The following CCDC6 variants were observed in gnomAD, a reference collection of about 807,000 sequenced individuals.
The protein encoded by CCDC6 is coiled-coil domain containing 6.
A neutral mutation model predicts 56.6 loss-of-function variants in CCDC6; 20 were observed. That is an observed-to-expected ratio of 0.35 (90% CI 0.25 to 0.51). The LOEUF is 0.51. Ranked by LOEUF, CCDC6 falls within the 20% of genes least tolerant of loss-of-function variation. The pLI is 0.95. For synonymous variants in CCDC6, 241 were observed against 234.4 expected, an observed-to-expected ratio of 1.03 and a Z score of -0.26; for missense variants, 367 against 601.1, an observed-to-expected ratio of 0.61 and a Z score of 4.07.
At chr10:59,848,476 C>T (rs1230035283) in intron 2 of CCDC6, among the ~76,000 whole-genome samples, 1 of 152,084 alleles carries the variant, frequency 6.6e-6, no homozygotes, top group Non-Finnish European at 1.5e-5. Flanking sequence ...GTCAGGAGTT[C>T]AAGACCAGCC....
At chr10:59,838,273 C>A (rs2070903702) in intron 2 of CCDC6, among the ~76,000 whole-genome samples, 1 of 152,056 alleles carries the variant, frequency 6.6e-6, no homozygotes, top group Non-Finnish European at 1.5e-5. Context: ...GTGCTCATGG[C>A]CCCAGTCTGG....
intron 1 of CCDC6, among the ~76,000 whole-genome samples, chr10:59,865,151 C>A (rs1453968598): frequency 1.3e-5 from 2 of 152,202 alleles, no homozygotes; most frequent in African/African-American, 4.8e-5. Flanking sequence ...TCTACCTATA[C>A]CTGACACCCG....
intron 1 of CCDC6, among the ~76,000 whole-genome samples, chr10:59,854,542 G>A (rs1434068636): frequency 6.6e-6 from 1 of 152,058 alleles, no homozygotes. Context: ...ACCAGCCAAG[G>A]CACCCAGTGA....
intron 2 of CCDC6, among the ~76,000 whole-genome samples, chr10:59,848,589 G>A (rs751829137): frequency 1.1e-4 from 16 of 152,110 alleles, no homozygotes; most frequent in South Asian, 6.2e-4. Flanking sequence ...AACTGAGATC[G>A]CACCATTGCA....
intron 1 of CCDC6, among the ~76,000 whole-genome samples, chr10:59,882,674 A>G (rs921069447): frequency 6.6e-6 from 1 of 152,166 alleles, no homozygotes; most frequent in African/African-American, 2.4e-5. Context: ...AACATTAGTG[A>G]AACTGGCCAG....
chr10:59,836,592 C>T (rs1040409571), intron 2 of CCDC6, among the ~76,000 whole-genome samples: 1 of 152,178 alleles, frequency 6.6e-6, no homozygotes, highest in African/African-American at 2.4e-5. Context: ...TGAAATGATA[C>T]TTATGTGTCT....
intron 1 of CCDC6, among the ~76,000 whole-genome samples, chr10:59,856,825 A>G (rs2071083964): frequency 1.3e-5 from 2 of 152,214 alleles, no homozygotes; most frequent in African/African-American, 4.8e-5. Context: ...CCAAAGCAAA[A>G]TAAGTGAAGC....
chr10:59,860,646 T>C (rs1472030014), intron 1 of CCDC6, among the ~76,000 whole-genome samples: 1 of 152,086 alleles, frequency 6.6e-6, no homozygotes. Flanking sequence ...AAACCTGTGG[T>C]AGAATGAAGG....
In CCDC6 at chr10:59,832,657, GA is replaced by G; in HGVS notation, c.454-5del. On this transcript the variant is annotated splice_polypyrimidine_tract_variant and splice_region_variant and intron_variant, in intron 2 of 8. Transcript: ENST00000263102. ...GTTCGGCTTTCTCATGCTGCAACTG[GA>G]AAATGAAAAACACCGAGATGTGGAA... 6.2e-7 allele frequency: 1 copy of G among 1,610,060 alleles called. No individual in the cohort carries two copies. Among genetic ancestry groups the G allele is most frequent in the Non-Finnish European group, 8.5e-7 (1 of 1,178,840 alleles).
At chr10:59,845,175 T>C (rs139360398) in intron 2 of CCDC6, among the ~76,000 whole-genome samples, 3 of 152,260 alleles carry the variant, frequency 2.0e-5, no homozygotes, top group African/African-American at 7.2e-5. Flanking sequence ...AATAACAATA[T>C]TTCTCCCATC....
chr10:59,882,902 G>A (rs1325518424), intron 1 of CCDC6, among the ~76,000 whole-genome samples: 3 of 152,116 alleles, frequency 2.0e-5, no homozygotes, highest in African/African-American at 7.2e-5. Flanking sequence ...GGAGGTTGCA[G>A]TGAGCAGAGA....
At chr10:59,887,998 C>G (rs2071394706) in intron 1 of CCDC6, among the ~76,000 whole-genome samples, 1 of 152,184 alleles carries the variant, frequency 6.6e-6, no homozygotes, top group Admixed American at 6.5e-5. Context: ...ACTACCTACT[C>G]CCACAGACTT....
At chr10:59,885,225 C>CT (rs2071373661) in intron 1 of CCDC6, among the ~76,000 whole-genome samples, 1 of 151,984 alleles carries the variant, frequency 6.6e-6, no homozygotes, top group African/African-American at 2.4e-5. Flanking sequence ...CATCTTCATT[C>CT]TTTTTTCAAT....
intron 7 of CCDC6, among the ~76,000 whole-genome samples, chr10:59,802,753 T>C (rs2070588890): frequency 6.6e-6 from 1 of 152,220 alleles, no homozygotes; most frequent in Non-Finnish European, 1.5e-5. Context: ...TACAGTAAGA[T>C]TTTCCTGAAG....
At chr10:59,872,325 C>A (rs2071236641) in intron 1 of CCDC6, among the ~76,000 whole-genome samples, 1 of 152,142 alleles carries the variant, frequency 6.6e-6, no homozygotes, top group African/African-American at 2.4e-5. Context: ...CAGCAGATTC[C>A]CCAACCTTGG....
At chr10:59,793,552 G>A (rs1025985736) in intron 8 of CCDC6, among the ~76,000 whole-genome samples, 5 of 152,226 alleles carry the variant, frequency 3.3e-5, no homozygotes, top group Admixed American at 3.3e-4. Context: ...AGGAGGTAGA[G>A]GTGGGTGGAT....
chr10:59,898,650 G>A (rs1432421754), intron 1 of CCDC6, among the ~76,000 whole-genome samples: 3 of 152,202 alleles, frequency 2.0e-5, no homozygotes, highest in African/African-American at 7.2e-5. Context: ...AAAGTCAAGT[G>A]CAATCCTCGC....
intron 1 of CCDC6, among the ~76,000 whole-genome samples, chr10:59,905,567 C>G (rs2071537228): frequency 6.6e-6 from 1 of 152,320 alleles, no homozygotes; most frequent in East Asian, 1.9e-4. Flanking sequence ...CTCTCGATCC[C>G]GGCCAGAAAA....
intron 1 of CCDC6, among the ~76,000 whole-genome samples, chr10:59,862,514 TATACACAC>T (rs1232493505): frequency 2.5e-4 from 18 of 73,064 alleles, no homozygotes; most frequent in African/African-American, 1.1e-3. Flanking sequence ...TATATATATA[TATACACAC>T]ACACACACAC....
Sources: gnomAD v4.1 joint callset for allele counts (sites outside exome capture counted in the v4.1 genomes callset) on GRCh38, gnomAD v4.1.1 for gene constraint, MANE v1.5 for transcripts, NCBI Gene and HGNC (gene_info 2026-07-23, HGNC 2026-07-21) for gene names.